The following GPHN variants were observed in gnomAD, a reference collection of about 807,000 sequenced individuals.
The protein encoded by GPHN is gephyrin.
In GPHN, 17 loss-of-function variants were observed where a neutral mutation model predicts 95.5. That is an observed-to-expected ratio of 0.18 (90% CI 0.12 to 0.27). GPHN has a LOEUF of 0.27. Among genes scored for constraint, GPHN ranks in the 10% least tolerant of loss-of-function variants. The pLI is 1.00. For synonymous variants in GPHN, 320 were observed against 322.5 expected, an observed-to-expected ratio of 0.99 and a Z score of 0.08; for missense variants, 660 against 978.1, an observed-to-expected ratio of 0.67 and a Z score of 4.34.
At chr14:67,051,005 C>T (rs1339829089) in intron 10 of GPHN, among the ~76,000 whole-genome samples, 1 of 138,124 alleles carries the variant, frequency 7.2e-6, no homozygotes, top group Admixed American at 7.1e-5. Context: ...GTCCACACCA[C>T]CCAGGCCTTG....
rs1022865807 is a variant in GPHN, at chr14:66,700,695, C to T, written c.143+19510C>T. 7.9e-5 allele frequency among the ~76,000 whole-genome samples: 12 copies of T among 152,042 alleles called. No individual in the cohort carries two copies. In the East Asian group the frequency reaches 1.4e-3, roughly 17 times the overall value. On this transcript the variant is annotated intron_variant, in intron 2 of 22. Coordinates refer to ENST00000478722, the MANE Select transcript of GPHN (RefSeq NM_020806.5). ...AATCCCAGCACCTTGGGGGCCGAGG[C>T]GGGTGGATCATGAGGTCAAGAGATC...
chr14:67,509,639 A>T, the GPHN span, among the ~76,000 whole-genome samples: 3 of 152,058 alleles, frequency 2.0e-5, no homozygotes, highest in African/African-American at 7.2e-5. Context: ...TTTATGTGTT[A>T]ACCTATACTG....
chr14:66,608,353 T>C (rs1207314790), intron 1 of GPHN, among the ~76,000 whole-genome samples: 1 of 152,134 alleles, frequency 6.6e-6, no homozygotes, highest in Non-Finnish European at 1.5e-5. Flanking sequence ...GAGAACGTGC[T>C]TAATATGATT....
chr14:66,554,660 G>C (rs1039637329), intron 1 of GPHN, among the ~76,000 whole-genome samples: 1 of 152,122 alleles, frequency 6.6e-6, no homozygotes, highest in African/African-American at 2.4e-5. Flanking sequence ...CTTAATACCC[G>C]GGGATTACAA....
chr14:67,174,243 C>T (rs1595492532), intron 21 of GPHN, among the ~76,000 whole-genome samples: 1 of 150,160 alleles, frequency 6.7e-6, no homozygotes, highest in African/African-American at 2.5e-5. Context: ...CCACAACCCC[C>T]CGACAGGCCC....
chr14:67,661,698 A>AT, the GPHN span, among the ~76,000 whole-genome samples: 4 of 149,512 alleles, frequency 2.7e-5, no homozygotes, highest in Admixed American at 1.3e-4. Context: ...AACCTCGGTA[A>AT]TTTTTTTTTG....
At chr14:66,864,423 A>G (rs899808520) in intron 4 of GPHN, among the ~76,000 whole-genome samples, 1 of 152,162 alleles carries the variant, frequency 6.6e-6, no homozygotes, top group South Asian at 2.1e-4. Flanking sequence ...TTGGAAAACT[A>G]AAAATGGAGC....
chr14:67,448,680 A>G, the GPHN span, among the ~76,000 whole-genome samples: 1 of 152,026 alleles, frequency 6.6e-6, no homozygotes, highest in Middle Eastern at 3.2e-3. Flanking sequence ...TACAGACAAT[A>G]ATGCTGCCCT....
chr14:67,636,575 A>G, the GPHN span, among the ~76,000 whole-genome samples: 3 of 152,236 alleles, frequency 2.0e-5, no homozygotes, highest in African/African-American at 7.2e-5. Context: ...TGCTAAGGTC[A>G]GGTAAGGCTG....
chr14:67,241,113 T>C, the GPHN span: 1 of 152,226 alleles, frequency 6.6e-6, no homozygotes, highest in Non-Finnish European at 1.5e-5. Context: ...GTCCGCGTTT[T>C]AGACTTAGAG....
chr14:66,805,285 GA>G (rs2060502830), intron 3 of GPHN, among the ~76,000 whole-genome samples: 1 of 152,176 alleles, frequency 6.6e-6, no homozygotes, highest in Admixed American at 6.5e-5. Flanking sequence ...CTGCCCCCAT[GA>G]TTCAGTTACT....
chr14:67,708,794 CTTT>C, the GPHN span, among the ~76,000 whole-genome samples: 63 of 136,868 alleles, frequency 4.6e-4, no homozygotes, highest in African/African-American at 4.8e-4. Context: ...TTAATAATAC[CTTT>C]TTTTTTTTTT....
the GPHN span, among the ~76,000 whole-genome samples, chr14:67,423,011 T>C: frequency 9.9e-5 from 15 of 152,134 alleles, no homozygotes; most frequent in Admixed American, 7.9e-4. Flanking sequence ...TTTTATTTTT[T>C]TTAGTAGAGA....
At chr14:66,688,556 A>G (rs2067554680) in intron 2 of GPHN, among the ~76,000 whole-genome samples, 1 of 152,222 alleles carries the variant, frequency 6.6e-6, no homozygotes, top group South Asian at 2.1e-4. Flanking sequence ...CTGTCCTGCA[A>G]AAGTACTCAA....
intron 8 of GPHN, among the ~76,000 whole-genome samples, chr14:66,924,771 A>G (rs907753787): frequency 3.3e-5 from 5 of 151,984 alleles, no homozygotes; most frequent in Non-Finnish European, 7.4e-5. Context: ...CAACCATTGC[A>G]GAGTTGAATT....
At chr14:67,200,521 C>T in the GPHN span, 12 of 283,446 alleles carry the variant, frequency 4.2e-5, no homozygotes, top group Non-Finnish European at 7.8e-5. Context: ...TTTGCAAATG[C>T]ACAGAGAAAA....
the GPHN span, among the ~76,000 whole-genome samples, chr14:67,308,975 C>T: frequency 1.3e-5 from 2 of 151,744 alleles, no homozygotes; most frequent in East Asian, 1.9e-4. Flanking sequence ...TTCATCATTA[C>T]GACTTCAAAT....
intron 1 of GPHN, among the ~76,000 whole-genome samples, chr14:66,582,541 C>G (rs1018069884): frequency 1.5e-4 from 23 of 152,060 alleles, no homozygotes; most frequent in Admixed American, 6.5e-5. Flanking sequence ...CCTCTCCCCC[C>G]ACCCCACAAC....
intron 10 of GPHN, among the ~76,000 whole-genome samples, chr14:67,024,989 T>C (rs958737006): frequency 2.6e-5 from 4 of 152,094 alleles, no homozygotes; most frequent in Admixed American, 1.3e-4. Context: ...GCGCAGTGGC[T>C]CACACCTCAA....
Sources: gnomAD v4.1 joint callset for allele counts (sites outside exome capture counted in the v4.1 genomes callset) on GRCh38, gnomAD v4.1.1 for gene constraint, MANE v1.5 for transcripts, NCBI Gene and HGNC (gene_info 2026-07-23, HGNC 2026-07-21) for gene names.